XPNPEP2: variants seen among roughly 807,000 people sequenced by gnomAD.
The protein encoded by XPNPEP2 is xaa-Pro aminopeptidase 2.
Under a neutral mutation model 59.8 loss-of-function variants are expected in XPNPEP2, and 64 were observed. That is an observed-to-expected ratio of 1.07 (90% CI 0.87 to 1.32). XPNPEP2 has a LOEUF of 1.32. XPNPEP2 is among the 40% of genes most tolerant of loss of function. The pLI is 0.00. For synonymous variants in XPNPEP2, 235 were observed against 210.0 expected (o/e 1.12, Z -1.03); for missense variants, 575 against 546.8 (o/e 1.05, Z -0.51).
In XPNPEP2 at chrX:129,767,572, T is replaced by C. The variant is rs776910683; in HGVS notation, c.1741-31T>C. On this transcript the variant is annotated intron_variant, in intron 19 of 20. Transcript: ENST00000371106. Reference sequence around the variant, plus strand: ...AGTTCCTCCTCCTCCCTCACTGTCCTGCTTACCCGGCTTCTATTCTGGGCT... The same window carrying C: ...AGTTCCTCCTCCTCCCTCACTGTCCCGCTTACCCGGCTTCTATTCTGGGCT... 7 of 1,198,047 alleles carry C rather than the reference T, an allele frequency of 5.8e-6. No individual in the cohort carries two copies. The South Asian group carries it at 1.2e-4, about 21-fold the overall frequency.
intron 14 of XPNPEP2, among the ~76,000 whole-genome samples, chrX:129,757,500 C>G (rs374045132): frequency 1.8e-5 from 2 of 108,672 alleles, no homozygotes; most frequent in Non-Finnish European, 3.8e-5. Context: ...TCAGACATGA[C>G]AGCCGTGCAG....
intron 1 of XPNPEP2, 86 bp from the exon 2 acceptor site, chrX:129,742,017 GGCCCC>G: frequency 1.2e-6 from 1 of 829,562 alleles, no homozygotes; most frequent in Non-Finnish European, 1.8e-6. Context: ...AAAGGATGGA[GGCCCC>G]GTGGGGCGGG....
At chrX:129,744,499 C>G (rs180679778) in intron 3 of XPNPEP2, among the ~76,000 whole-genome samples, 2 of 111,724 alleles carry the variant, frequency 1.8e-5, no homozygotes, top group East Asian at 5.6e-4. Context: ...TAAGGGAGCG[C>G]GGGGTTGGTT....
At position 129,756,224 on chromosome X, in the gene XPNPEP2, G is replaced by A. The variant is rs148134100; in HGVS notation, c.1296-260G>A. On this transcript the variant is annotated intron_variant, in intron 13 of 20. Coordinates refer to ENST00000371106, the MANE Select transcript of XPNPEP2 (RefSeq NM_003399.6). The stretch of plus-strand genomic sequence containing the variant: ...CTGGGGGGTCTCTAGGGCTCTCCCA[G>A]CTCTCATATTCTGGGCTTTACCCTC... Among the ~76,000 whole-genome samples the A allele has an allele frequency of 4.4e-3, 488 of 112,153 alleles. 1 individual carries two copies. Among genetic ancestry groups the A allele is most frequent in the African/African-American group, 0.014 (438 of 30,947 alleles).
At chrX:129,751,106 C>A (rs752565457) in intron 8 of XPNPEP2, among the ~76,000 whole-genome samples, 1 of 11,249 alleles carries the variant, frequency 8.9e-5, no homozygotes, top group Non-Finnish European at 1.5e-4. Context: ...ACTCCCCCAC[C>A]CCCCCCCCCC....
At chrX:129,761,354 T>C in intron 17 of XPNPEP2, 78 bp downstream of exon 17, 1 of 910,701 alleles carries the variant, frequency 1.1e-6, no homozygotes. Flanking sequence ...TTCACAGGTA[T>C]GGAAATGACA....
intron 13 of XPNPEP2, among the ~76,000 whole-genome samples, chrX:129,756,021 T>C (rs754478346): frequency 8.9e-6 from 1 of 111,782 alleles, no homozygotes; most frequent in East Asian, 2.8e-4. Context: ...CCTCCCTTCC[T>C]GTGCTCTGCT....
intron 6 of XPNPEP2, 75 bp downstream of exon 6, chrX:129,746,756 T>A (rs1364651952): frequency 2.1e-6 from 2 of 956,590 alleles, no homozygotes; most frequent in Non-Finnish European, 3.0e-6. Context: ...TATAAAGAAA[T>A]GGACCTTGGT....
intron 13 of XPNPEP2, among the ~76,000 whole-genome samples, chrX:129,755,622 G>A (rs1218219139): frequency 4.4e-5 from 5 of 112,489 alleles, no homozygotes; most frequent in Non-Finnish European, 7.5e-5. Flanking sequence ...CTTTTCCCTG[G>A]CTTCCCATGT....
chrX:129,757,895 GAAAGAAAGAAAGAAAGAAAGAA>G (rs1300579391), intron 14 of XPNPEP2, among the ~76,000 whole-genome samples: 1 of 13,771 alleles, frequency 7.3e-5, no homozygotes, highest in Non-Finnish European at 1.8e-4. Flanking sequence ...GAGAGAGAGA[GAAAGAAAGAAAGAAAGAAAGAA>G]AGAAAGAAAG....
chrX:129,752,542 A>AAAT (rs765875539), intron 10 of XPNPEP2, among the ~76,000 whole-genome samples, 197 bp downstream of exon 10: 9 of 112,028 alleles, frequency 8.0e-5, no homozygotes, highest in African/African-American at 2.6e-4. Flanking sequence ...AGAGCTCATA[A>AAAT]AATTGTCAGG....
chrX:129,753,128 G>A, intron 10 of XPNPEP2, 31 bp from the exon 11 acceptor site: 1 of 1,182,207 alleles, frequency 8.5e-7, no homozygotes, highest in Non-Finnish European at 1.2e-6. Flanking sequence ...TGTGCCCCCA[G>A]ACCTCCTTTT....
intron 15 of XPNPEP2, 121 bp from the exon 16 acceptor site, chrX:129,760,391 C>T (rs1465350928): frequency 2.7e-6 from 2 of 727,854 alleles, no homozygotes; most frequent in Non-Finnish European, 2.0e-6. Flanking sequence ...TGAGACTCCC[C>T]CCACCCTGCC....
chrX:129,756,991 C>G (rs1926530248), intron 14 of XPNPEP2, among the ~76,000 whole-genome samples: 1 of 85,739 alleles, frequency 1.2e-5, no homozygotes, highest in Non-Finnish European at 2.1e-5. Flanking sequence ...CACCACCATG[C>G]CCAGCTATAT....
At chrX:129,761,772 C>T (rs755591309) in intron 17 of XPNPEP2, among the ~76,000 whole-genome samples, 133 of 111,509 alleles carry the variant, frequency 1.2e-3, no homozygotes, top group African/African-American at 4.1e-3. Flanking sequence ...GCCATGATGG[C>T]GCCACTGCAC....
At chrX:129,746,040 C>G (rs1474071379) in intron 4 of XPNPEP2, among the ~76,000 whole-genome samples, 196 bp from the exon 5 acceptor site, 1 of 112,077 alleles carries the variant, frequency 8.9e-6, no homozygotes, top group Non-Finnish European at 1.9e-5. Context: ...GTGCCTGATT[C>G]AGGACACCTT....
At chrX:129,750,229 G>A (rs1353756044) in intron 7 of XPNPEP2, among the ~76,000 whole-genome samples, 4 of 112,697 alleles carry the variant, frequency 3.5e-5, no homozygotes, top group African/African-American at 1.3e-4. Flanking sequence ...GGAACACAGA[G>A]GGGTTAGGTA....
At chrX:129,743,772 A>G (rs777690042) in intron 2 of XPNPEP2, among the ~76,000 whole-genome samples, 189 bp from the exon 3 acceptor site, 3 of 111,689 alleles carry the variant, frequency 2.7e-5, no homozygotes, top group Admixed American at 1.9e-4. Flanking sequence ...AGGCATCTTA[A>G]TCTAGACTAA....
Position 129,757,889 on chromosome X carries a change from G to A in XPNPEP2, c.1368-1291G>A, listed in dbSNP as rs775171824. Among the ~76,000 whole-genome samples, 440 of 73,543 alleles carry A rather than the reference G, an allele frequency of 6.0e-3. 3 individuals are homozygous for A. Among genetic ancestry groups the A allele is most frequent in the Admixed American group, 0.019 (106 of 5,616 alleles). 63.9% of individuals were successfully genotyped at this position (73,543 alleles called of 115,157 possible). A position where few individuals can be genotyped will look rare whatever the true frequency, so the allele number is the denominator to read the frequency against. On this transcript the variant is annotated intron_variant, in intron 14 of 20. Transcript: ENST00000371106. The stretch of plus-strand genomic sequence containing the variant: ...AGAGAGAGAAAGAGAGAGAGAGAGA[G>A]AGAGAGAAAGAAAGAAAGAAAGAAA...
Sources: allele counts gnomAD v4.1 joint callset (sites outside exome capture counted in the v4.1 genomes callset), GRCh38; gene constraint gnomAD v4.1.1; transcripts MANE v1.5; gene names NCBI Gene and HGNC (gene_info 2026-07-23, HGNC 2026-07-21).